The following YES1 variants were observed in gnomAD, a reference collection of about 807,000 sequenced individuals.
YES1 encodes the protein YES proto-oncogene 1, Src family tyrosine kinase.
YES1 carries 39 observed loss-of-function variants against 70.4 expected under a neutral mutation model. The ratio of observed to expected loss-of-function variants is 0.55; its 90% CI spans 0.43 to 0.72. The LOEUF is 0.72. YES1 is among the 30% of genes least tolerant of loss of function. YES1 has a pLI of 0.00. For synonymous variants in YES1, 198 were observed against 218.6 expected, an observed-to-expected ratio of 0.91 and a Z score of 0.83; for missense variants, 495 against 644.8, an observed-to-expected ratio of 0.77 and a Z score of 2.52.
At chr18:763,703 C>CA (rs71174286) in intron 1 of YES1, among the ~76,000 whole-genome samples, 22,847 of 63,662 alleles carry the variant, frequency 0.36, 4,452 homozygotes, top group East Asian at 0.45. Context: ...ATCCTGTCTT[C>CA]AAAAAAAAAA....
chr18:729,458 CTTTTT>C (rs148415047), intron 11 of YES1, among the ~76,000 whole-genome samples: 2 of 146,942 alleles, frequency 1.4e-5, no homozygotes, highest in Admixed American at 6.8e-5. Context: ...CCATTTGATT[CTTTTT>C]TTTTTAATAG....
At position 743,905 on chromosome 18, in the gene YES1, C is replaced by CA. The variant is rs1568191931; in HGVS notation, c.725-491_725-490insT. The stretch of plus-strand genomic sequence containing the variant: ...TGGGTGACACAGTGAGATTCTGACT[C>CA]GAAAAAAAAAAAAATATATATATAT... On this transcript the variant is annotated intron_variant, in intron 6 of 11. Transcript: ENST00000314574. Among the ~76,000 whole-genome samples the CA allele has an allele frequency of 1.2e-3, 162 of 130,146 alleles. 2 individuals are homozygous for CA. Among genetic ancestry groups the CA allele is most frequent in the Middle Eastern group, 4.7e-3 (1 of 212 alleles). 85.4% of individuals were successfully genotyped at this position (130,146 alleles called of 152,430 possible).
chr18:774,525 T>C (rs565389594), intron 1 of YES1, among the ~76,000 whole-genome samples: 1 of 152,330 alleles, frequency 6.6e-6, no homozygotes, highest in South Asian at 2.1e-4. Context: ...GCCATTCTTC[T>C]AGTTTTTCAG....
At chr18:732,588 C>A (rs1037051237) in intron 11 of YES1, among the ~76,000 whole-genome samples, 1 of 151,944 alleles carries the variant, frequency 6.6e-6, no homozygotes, top group Non-Finnish European at 1.5e-5. Context: ...CCTGAGAAAG[C>A]TGAGGTGAAT....
In YES1 at chr18:724,568, GC is replaced by G. The variant is rs1179088516; in HGVS notation, c.1487del (p.Gly496AlafsTer9). 2 of 1,614,016 alleles carry G rather than the reference GC, an allele frequency of 1.2e-6. No individual in the cohort carries two copies. The highest frequency in any genetic ancestry group is 1.7e-6 in the Non-Finnish European group (2 of 1,180,030). On this transcript the variant is annotated frameshift_variant, in exon 12 of 12. Coordinates refer to ENST00000314574, the MANE Select transcript of YES1 (RefSeq NM_005433.4). LOFTEE classifies it high-confidence loss of function. ...TCAATTCATGGAGGGATTCTGGACAGCCCTGAGGGCACGGCATCCTGTATCC... is the reference window on the plus strand; with the variant it reads ...TCAATTCATGGAGGGATTCTGGACAGCCTGAGGGCACGGCATCCTGTATCC... ...ERGYRMPCPQ[G>X]CPESLHELMN... is the part of the protein sequence containing the mutation.
At chr18:751,004 T>C (rs2145726021) in intron 3 of YES1, among the ~76,000 whole-genome samples, 1 of 152,358 alleles carries the variant, frequency 6.6e-6, no homozygotes, top group East Asian at 1.9e-4. Flanking sequence ...CATTGTCGTT[T>C]TCCTTTTATC....
intron 1 of YES1, among the ~76,000 whole-genome samples, chr18:773,778 A>C (rs1905253964): frequency 6.6e-6 from 1 of 152,180 alleles, no homozygotes; most frequent in South Asian, 2.1e-4. Context: ...CTGACTAATA[A>C]AAGAAAAAAA....
intron 11 of YES1, among the ~76,000 whole-genome samples, chr18:732,335 G>C (rs2080100338): frequency 6.6e-6 from 1 of 150,650 alleles, no homozygotes; most frequent in African/African-American, 2.5e-5. Context: ...AGCTACTTGG[G>C]AGGCTGAGGC....
rs747890953 is a variant in YES1, at chr18:756,719, T to C, written c.109A>G (p.Thr37Ala). Reference sequence around the variant, plus strand: ...GATGACGGACATGGTGACACTGTAGTGGGTTCTGCTCCATAATGGCTCACA... The same window carrying C: ...GATGACGGACATGGTGACACTGTAGCGGGTTCTGCTCCATAATGGCTCACA... Reference protein sequence around the residue: ...TSVSHYGAEPTTVSPCPSSSA... With the variant: ...TSVSHYGAEPATVSPCPSSSA... The change falls in exon 2 of 12, where the codon ACT becomes GCT. Residue 37 changes from threonine to alanine, a missense_variant. This residue lies in a region of YES1 where 110 missense variants were observed against 104.0 expected (regional missense o/e 1.06). Coordinates refer to ENST00000314574, the MANE Select transcript of YES1 (RefSeq NM_005433.4). 2.5e-6 allele frequency: 4 copies of C among 1,614,176 alleles called. No individual in the cohort carries two copies. Among genetic ancestry groups the C allele is most frequent in the Non-Finnish European group, 3.4e-6 (4 of 1,180,018 alleles).
intron 11 of YES1, among the ~76,000 whole-genome samples, chr18:726,061 A>C (rs976443802): frequency 6.6e-6 from 1 of 152,206 alleles, no homozygotes; most frequent in African/African-American, 2.4e-5. Context: ...ATTGACTGTT[A>C]GGATTAAGCA....
In YES1 at chr18:808,213, T is replaced by C. The variant is rs1907196287; in HGVS notation, c.-9+3901A>G. Among the ~76,000 whole-genome samples, 5 of 152,340 alleles carry C rather than the reference T, an allele frequency of 3.3e-5. No individual in the cohort carries two copies. The South Asian group carries it at 1.0e-3, about 32-fold the overall frequency. ...AGTGCTGCTGCAGCCAACGATTCCTTGGCATACAGACATGTGAAAACGATA... is the reference window on the plus strand; with the variant it reads ...AGTGCTGCTGCAGCCAACGATTCCTCGGCATACAGACATGTGAAAACGATA... On this transcript the variant is annotated intron_variant, in intron 1 of 11. Transcript: ENST00000314574.
chr18:785,817 G>A (rs1166500849), intron 1 of YES1, among the ~76,000 whole-genome samples: 1 of 151,598 alleles, frequency 6.6e-6, no homozygotes, highest in Non-Finnish European at 1.5e-5. Context: ...AGCACCAGTA[G>A]TCCCAGCTAC....
chr18:801,462 T>C (rs887669783), intron 1 of YES1, among the ~76,000 whole-genome samples: 3 of 152,224 alleles, frequency 2.0e-5, no homozygotes, highest in African/African-American at 4.8e-5. Flanking sequence ...CCAAGATGTA[T>C]GTAGGAAACT....
chr18:786,406 C>T (rs1322132680), intron 1 of YES1, among the ~76,000 whole-genome samples: 1 of 151,028 alleles, frequency 6.6e-6, no homozygotes, highest in Non-Finnish European at 1.5e-5. Context: ...GCTAAGGAAA[C>T]CTAAAATAGA....
intron 4 of YES1, among the ~76,000 whole-genome samples, chr18:747,325 T>C (rs193174526): frequency 6.6e-6 from 1 of 152,066 alleles, no homozygotes; most frequent in East Asian, 1.9e-4. Context: ...AAAAATTAGC[T>C]GGGCGTGGTG....
intron 1 of YES1, among the ~76,000 whole-genome samples, chr18:777,763 C>T (rs960568303): frequency 4.7e-5 from 7 of 148,280 alleles, no homozygotes; most frequent in Non-Finnish European, 7.4e-5. Context: ...GCTGAGATCA[C>T]GCCATTACAC....
chr18:788,892 C>A (rs1421233498), intron 1 of YES1, among the ~76,000 whole-genome samples: 1 of 152,152 alleles, frequency 6.6e-6, no homozygotes, highest in East Asian at 1.9e-4. Context: ...CTCCACTGCA[C>A]TCCAGCCTGG....
chr18:802,908 C>T (rs1331596518), intron 1 of YES1, among the ~76,000 whole-genome samples: 4 of 151,926 alleles, frequency 2.6e-5, no homozygotes, highest in Non-Finnish European at 5.9e-5. Flanking sequence ...AAGGTGAAAC[C>T]CTGTCTCTAT....
At chr18:792,788 T>C (rs1394091372) in intron 1 of YES1, among the ~76,000 whole-genome samples, 1 of 151,736 alleles carries the variant, frequency 6.6e-6, no homozygotes, top group African/African-American at 2.4e-5. Flanking sequence ...TAGAGAGACC[T>C]TGTCTTTATT....
Sources: allele counts gnomAD v4.1 joint callset (sites outside exome capture counted in the v4.1 genomes callset), GRCh38; gene constraint gnomAD v4.1.1; regional missense constraint gnomAD v4.1.1; transcripts MANE v1.5; gene names NCBI Gene and HGNC (gene_info 2026-07-23, HGNC 2026-07-21).